Variants in UNC79 observed in about 807,000 individuals in gnomAD.
The protein encoded by UNC79 is unc-79 subunit of NALCN channel complex, also known as protein unc-79 homolog.
UNC79 carries 37 observed loss-of-function variants against 283.1 expected under a neutral mutation model. The ratio of observed to expected loss-of-function variants is 0.13; its 90% confidence interval spans 0.10 to 0.17. The LOEUF is 0.17. Among genes scored for constraint, UNC79 ranks in the 10% least tolerant of loss-of-function variants. The pLI, the probability that UNC79 is intolerant of heterozygous loss-of-function variation, is 1.00. For synonymous variants in UNC79, 1,107 were observed against 1,200.2 expected, an observed-to-expected ratio of 0.92 and a Z score of 1.61; for missense variants, 2,272 against 3,211.1, an observed-to-expected ratio of 0.71 and a Z score of 7.07.
chr14:93,427,151 C>T (rs894690363), upstream of UNC79, among the ~76,000 whole-genome samples: 3 of 152,166 alleles, frequency 2.0e-5, no homozygotes, highest in African/African-American at 4.8e-5. Flanking sequence ...GATATTTGGG[C>T]AGAGGTAAAT....
In UNC79 at chr14:93,637,204, A is replaced by T. The variant is rs1298411320; in HGVS notation, c.5717-12A>T. The T allele has an allele frequency of 1.8e-6, 2 of 1,081,242 alleles. No homozygotes were observed. Among genetic ancestry groups the T allele is most frequent in the African/African-American group, 1.6e-5 (1 of 64,492 alleles). 67.0% of individuals were successfully genotyped at this position (1,081,242 alleles called of 1,614,324 possible). The stretch of plus-strand genomic sequence containing the variant: ...ACCACATCAAAGACTGAAACCCTCT[A>T]TTTATCCACAGAACAGATACAGCCT... On this transcript the variant is annotated splice_polypyrimidine_tract_variant and intron_variant, in intron 31 of 48. Transcript: ENST00000555664.
chr14:93,385,897 A>G (rs943739645), intron 1 of UNC79, among the ~76,000 whole-genome samples: 2 of 152,288 alleles, frequency 1.3e-5, no homozygotes, highest in Admixed American at 6.5e-5. Flanking sequence ...TTTTCCAAAT[A>G]TAAGATCATA....
chr14:93,384,306 A>C (rs576547619), intron 1 of UNC79, among the ~76,000 whole-genome samples: 1 of 152,320 alleles, frequency 6.6e-6, no homozygotes, highest in East Asian at 1.9e-4. Context: ...ACTAATTTAC[A>C]TTCCCACCAA....
chr14:93,431,456 C>T (rs1260722756), intron 1 of UNC79, among the ~76,000 whole-genome samples: 1 of 151,910 alleles, frequency 6.6e-6, no homozygotes, highest in East Asian at 1.9e-4. Flanking sequence ...CAAAGCCTGC[C>T]TGGCCTTCTG....
intron 7 of UNC79, among the ~76,000 whole-genome samples, chr14:93,522,285 A>G (rs1455808799): frequency 6.6e-6 from 1 of 152,024 alleles, no homozygotes. Flanking sequence ...CTGTAAAGCA[A>G]TCTGCAGACA....
At chr14:93,354,630 T>G (rs1329000462) in intron 1 of UNC79, among the ~76,000 whole-genome samples, 1 of 152,188 alleles carries the variant, frequency 6.6e-6, no homozygotes, top group African/African-American at 2.4e-5. Context: ...CTTGAGTAGC[T>G]GGGACCACAG....
chr14:93,487,562 T>TC, intron 4 of UNC79, 101 bp from the exon 5 acceptor site: 1 of 688,764 alleles, frequency 1.5e-6, no homozygotes, highest in Non-Finnish European at 2.0e-6. Context: ...ATTGGAGCTA[T>TC]TTTTTTTTTT....
intron 32 of UNC79, among the ~76,000 whole-genome samples, chr14:93,638,254 T>A (rs2068685687): frequency 6.6e-6 from 1 of 152,216 alleles, no homozygotes; most frequent in Non-Finnish European, 1.5e-5. Context: ...GTGCTATTGA[T>A]CTCCAGCTTT....
Position 93,483,939 on chromosome 14 carries a change from T to A in UNC79, c.620-3724T>A, listed in dbSNP as rs535256115. 5.9e-5 allele frequency among the ~76,000 whole-genome samples: 9 copies of A among 152,344 alleles called. No individual in the cohort carries two copies. The South Asian group carries it at 1.5e-3, about 25-fold the overall frequency. On this transcript the variant is annotated intron_variant, in intron 4 of 48. Coordinates refer to ENST00000555664, the Ensembl canonical transcript of UNC79. Reference sequence around the variant, plus strand: ...CACATTTTGTTAATCCAGTCTATCATTGATGGACATTTGGGTTGGTTCCAA... The same window carrying A: ...CACATTTTGTTAATCCAGTCTATCAATGATGGACATTTGGGTTGGTTCCAA...
chr14:93,414,524 C>A (rs1595446921), intron 1 of UNC79, among the ~76,000 whole-genome samples: 1 of 151,996 alleles, frequency 6.6e-6, no homozygotes, highest in African/African-American at 2.4e-5. Flanking sequence ...TTTTTTGGTG[C>A]CATATGAACT....
At chr14:93,375,870 G>A (rs1274565380) in intron 1 of UNC79, among the ~76,000 whole-genome samples, 3 of 152,162 alleles carry the variant, frequency 2.0e-5, no homozygotes, top group East Asian at 1.9e-4. Flanking sequence ...AGATTTGGGC[G>A]GGAATACAGA....
chr14:93,413,046 A>ATTG (rs2055369000), intron 1 of UNC79, among the ~76,000 whole-genome samples: 1 of 152,088 alleles, frequency 6.6e-6, no homozygotes, highest in Non-Finnish European at 1.5e-5. Context: ...TTTTATTATT[A>ATTG]TTATACTTTA....
intron 1 of UNC79, chr14:93,347,135 G>A: frequency 9.9e-7 from 1 of 1,008,194 alleles, no homozygotes; most frequent in African/African-American, 1.7e-5. Context: ...GTGGGGTAGG[G>A]GGCGAGGGCA....
At chr14:93,560,653 G>A (rs1345350919) in intron 14 of UNC79, among the ~76,000 whole-genome samples, 2 of 152,158 alleles carry the variant, frequency 1.3e-5, no homozygotes, top group South Asian at 4.2e-4. Context: ...GGTCCCATTC[G>A]CAAATTGAAT....
intron 7 of UNC79, among the ~76,000 whole-genome samples, chr14:93,515,085 G>T (rs2059994336): frequency 6.6e-6 from 1 of 152,098 alleles, no homozygotes; most frequent in South Asian, 2.1e-4. Context: ...GCTTCACACT[G>T]AATCTGTTTC....
At chr14:93,451,300 C>CTGGG (rs1191121473) in intron 1 of UNC79, among the ~76,000 whole-genome samples, 1 of 152,096 alleles carries the variant, frequency 6.6e-6, no homozygotes, top group Non-Finnish European at 1.5e-5. Flanking sequence ...GGGCCATTTA[C>CTGGG]TGGGGGCACC....
At chr14:93,678,739 T>A (rs1433884779) in intron 41 of UNC79, among the ~76,000 whole-genome samples, 1 of 152,218 alleles carries the variant, frequency 6.6e-6, no homozygotes, top group Non-Finnish European at 1.5e-5. Flanking sequence ...ACGTATAAAG[T>A]TTTTTTACAT....
intron 38 of UNC79, among the ~76,000 whole-genome samples, chr14:93,656,112 C>T (rs895571615): frequency 6.6e-6 from 1 of 152,204 alleles, no homozygotes; most frequent in East Asian, 1.9e-4. Flanking sequence ...CTGAGGTTTT[C>T]TGACTCACAG....
At chr14:93,419,539 C>T (rs2055543862) in intron 1 of UNC79, among the ~76,000 whole-genome samples, 1 of 151,624 alleles carries the variant, frequency 6.6e-6, no homozygotes, top group Non-Finnish European at 1.5e-5. Flanking sequence ...TTTCAAGAAA[C>T]AGGCAGTATG....
Sources: gnomAD v4.1 joint callset for allele counts (sites outside exome capture counted in the v4.1 genomes callset) on GRCh38, gnomAD v4.1.1 for gene constraint, MANE v1.5 for transcripts, NCBI Gene and HGNC (gene_info 2026-07-23, HGNC 2026-07-21) for gene names.